The following TFPI variants were observed in gnomAD, a reference collection of about 807,000 sequenced individuals.
The protein encoded by TFPI is anti-convertin.
TFPI carries 15 observed loss-of-function variants against 34.6 expected under a neutral mutation model. The observed-to-expected ratio is 0.43, with a 90% CI of 0.29 to 0.67. TFPI has a LOEUF of 0.67. Ranked by LOEUF, TFPI falls within the 30% of genes least tolerant of loss-of-function variation. The probability of loss-of-function intolerance (pLI) is 0.15; values close to 1 mark genes in which losing one functional copy is unlikely to be tolerated. For synonymous variants in TFPI, 105 were observed against 120.1 expected (o/e 0.87, Z 0.82); for missense variants, 301 against 364.0 (o/e 0.83, Z 1.41).
Position 187,505,024 on chromosome 2 carries a change from C to A in TFPI, c.-2-1254G>T, listed in dbSNP as rs911983093. On this transcript the variant is annotated intron_variant, in intron 1 of 7. Transcript: ENST00000233156. Reference sequence around the variant, plus strand: ...GATCTCATATATCTTGTAAATCATACCATAAACCATTTGAATTCACAAATA... The same window carrying A: ...GATCTCATATATCTTGTAAATCATAACATAAACCATTTGAATTCACAAATA... 7.9e-5 allele frequency among the ~76,000 whole-genome samples: 12 copies of A among 151,762 alleles called. No individual in the cohort carries two copies. In the East Asian group the frequency reaches 1.2e-3, roughly 15 times the overall value.
At chr2:187,532,899 G>A (rs1486029518) in intron 1 of TFPI, among the ~76,000 whole-genome samples, 1 of 152,122 alleles carries the variant, frequency 6.6e-6, no homozygotes, top group Non-Finnish European at 1.5e-5. Context: ...TCAGGGGAGG[G>A]GCATCCGCCA....
chr2:187,470,292 A>T (rs1289869141), intron 6 of TFPI, among the ~76,000 whole-genome samples: 1 of 152,190 alleles, frequency 6.6e-6, no homozygotes, highest in Non-Finnish European at 1.5e-5. Context: ...GCAATGCCAG[A>T]CATCAAGCCC....
intron 4 of TFPI, among the ~76,000 whole-genome samples, chr2:187,486,689 C>A (rs1391827126): frequency 6.6e-6 from 1 of 151,520 alleles, no homozygotes; most frequent in Non-Finnish European, 1.5e-5. Flanking sequence ...TTCCCATTTT[C>A]TTCAGGTAAA....
At position 187,510,976 on chromosome 2, in the gene TFPI, C is replaced by T. The variant is rs546306132; in HGVS notation, c.-2-7206G>A. On this transcript the variant is annotated intron_variant, in intron 1 of 7. Transcript: ENST00000233156. ...ATTTCTTGGTACCCTGACCAGGAAG[C>T]GAGGTGATTAACAGAGGCCAAGGCA... Among the ~76,000 whole-genome samples the T allele has an allele frequency of 2.0e-5, 3 of 152,242 alleles. No individual in the cohort carries two copies. The South Asian group carries it at 6.2e-4, about 32-fold the overall frequency.
chr2:187,538,185 C>T (rs888712055), intron 1 of TFPI, among the ~76,000 whole-genome samples: 1 of 152,132 alleles, frequency 6.6e-6, no homozygotes, highest in Non-Finnish European at 1.5e-5. Context: ...GGTGATTCCT[C>T]AAGTATCTAG....
intron 1 of TFPI, chr2:187,547,498 T>A (rs1688927652): frequency 6.6e-6 from 1 of 152,092 alleles, no homozygotes; most frequent in South Asian, 2.1e-4. Context: ...TGAGTTTGGT[T>A]CAAGAGAGGA....
intron 3 of TFPI, among the ~76,000 whole-genome samples, chr2:187,491,159 T>C (rs926148120): frequency 6.6e-6 from 1 of 152,038 alleles, no homozygotes; most frequent in African/African-American, 2.4e-5. Flanking sequence ...GCACTTTTTT[T>C]CTCTTTCAGT....
intron 6 of TFPI, among the ~76,000 whole-genome samples, chr2:187,479,585 A>ATG (rs1692681519): frequency 1.5e-5 from 2 of 134,036 alleles, no homozygotes; most frequent in Non-Finnish European, 3.2e-5. Context: ...ATATATATAT[A>ATG]TATATGATTT....
Position 187,478,138 on chromosome 2 carries a change from G to A in TFPI, c.628+5986C>T, listed in dbSNP as rs547742973. 2.0e-5 allele frequency among the ~76,000 whole-genome samples: 3 copies of A among 152,242 alleles called. No homozygotes were observed. In the East Asian group the frequency reaches 5.8e-4, roughly 30 times the overall value. ...AGAGTAGCTCATGCCTGTAATCCCA[G>A]CACTTTGGGTCAGGAGTTCGAGACT... On this transcript the variant is annotated intron_variant, in intron 6 of 7. Transcript: ENST00000233156.
At chr2:187,491,673 G>A (rs1277978212) in intron 3 of TFPI, among the ~76,000 whole-genome samples, 1 of 152,070 alleles carries the variant, frequency 6.6e-6, no homozygotes, top group African/African-American at 2.4e-5. Flanking sequence ...TACAAGTACA[G>A]TTATCTTTCT....
intron 3 of TFPI, among the ~76,000 whole-genome samples, chr2:187,489,009 T>C (rs576642567): frequency 1.3e-5 from 2 of 151,630 alleles, no homozygotes; most frequent in African/African-American, 4.8e-5. Context: ...ATTTAAATGA[T>C]AGGTAATGAA....
chr2:187,490,343 T>C (rs764646506), intron 3 of TFPI, among the ~76,000 whole-genome samples: 1 of 151,722 alleles, frequency 6.6e-6, no homozygotes, highest in African/African-American at 2.4e-5. Flanking sequence ...TCTTGAAGTA[T>C]GTAAACTGAA....
At chr2:187,515,402 A>C (rs1022205201) in intron 1 of TFPI, 9 of 152,218 alleles carry the variant, frequency 5.9e-5, no homozygotes, top group African/African-American at 2.2e-4. Context: ...AGCCCAGTTA[A>C]ACATAACTGT....
At chr2:187,490,975 C>T (rs1427705693) in intron 3 of TFPI, among the ~76,000 whole-genome samples, 3 of 151,554 alleles carry the variant, frequency 2.0e-5, no homozygotes, top group Non-Finnish European at 4.4e-5. Flanking sequence ...GTCATTGTCA[C>T]CTGTAGAAAC....
chr2:187,514,461 G>A (rs867520513), intron 1 of TFPI: 18 of 152,246 alleles, frequency 1.2e-4, no homozygotes, highest in African/African-American at 3.9e-4. Flanking sequence ...GTCAGCCCTC[G>A]AGGGCCATCC....
At chr2:187,484,335 G>T in intron 5 of TFPI, 119 bp from the exon 6 acceptor site, 2 of 712,578 alleles carry the variant, frequency 2.8e-6, no homozygotes, top group South Asian at 1.9e-5. Flanking sequence ...ACATTGCTAT[G>T]TTAAATTAGC....
At chr2:187,552,281 C>G (rs1314228967) in intron 1 of TFPI, among the ~76,000 whole-genome samples, 1 of 152,036 alleles carries the variant, frequency 6.6e-6, no homozygotes, top group Non-Finnish European at 1.5e-5. Context: ...TGGATAGGCA[C>G]TCTGGCATTA....
intron 7 of TFPI, among the ~76,000 whole-genome samples, 169 bp from the exon 8 acceptor site, chr2:187,467,211 G>A (rs1673043377): frequency 6.6e-6 from 1 of 151,816 alleles, no homozygotes; most frequent in South Asian, 2.1e-4. Flanking sequence ...TTTTAAGGAC[G>A]TTACTTTGCA....
At chr2:187,546,523 C>A (rs1488263735) in intron 1 of TFPI, among the ~76,000 whole-genome samples, 1 of 150,778 alleles carries the variant, frequency 6.6e-6, no homozygotes, top group African/African-American at 2.4e-5. Flanking sequence ...CTAGTAGCTC[C>A]AAATGAAAGG....
Sources: gnomAD v4.1 joint callset for allele counts (sites outside exome capture counted in the v4.1 genomes callset) on GRCh38, gnomAD v4.1.1 for gene constraint, MANE v1.5 for transcripts, NCBI Gene and HGNC (gene_info 2026-07-23, HGNC 2026-07-21) for gene names.